IMMP2L: variants seen among roughly 807,000 people sequenced by gnomAD.
IMMP2L encodes inner mitochondrial membrane peptidase subunit 2.
A neutral mutation model predicts 19.3 loss-of-function variants in IMMP2L; 18 were observed. That is an observed-to-expected ratio of 0.93 (90% CI 0.64 to 1.38). The LOEUF is 1.38. Ranked by LOEUF, IMMP2L falls within the 40% of genes most tolerant of loss-of-function variation. The probability of loss-of-function intolerance (pLI) is 0.00; values close to 1 mark genes in which losing one functional copy is unlikely to be tolerated. For synonymous variants in IMMP2L, 76 were observed against 73.0 expected, an observed-to-expected ratio of 1.04 and a Z score of -0.21; for missense variants, 233 against 218.2, an observed-to-expected ratio of 1.07 and a Z score of -0.43.
At chr7:110,916,207 T>C (rs898004861) in intron 4 of IMMP2L, among the ~76,000 whole-genome samples, 3 of 152,156 alleles carry the variant, frequency 2.0e-5, no homozygotes, top group African/African-American at 2.4e-5. Context: ...TGTGATGATA[T>C]TGGTAGTTGA....
intron 3 of IMMP2L, among the ~76,000 whole-genome samples, chr7:111,402,487 G>C (rs567112299): frequency 1.3e-5 from 2 of 152,040 alleles, no homozygotes; most frequent in African/African-American, 4.8e-5. Flanking sequence ...GAGGCAGGCA[G>C]ATCACCTGAA....
At position 111,185,605 on chromosome 7, in the gene IMMP2L, C is replaced by T. The variant is rs574248643; in HGVS notation, c.240-222040G>A. On this transcript the variant is annotated intron_variant, in intron 3 of 5. Coordinates refer to ENST00000405709, the MANE Select transcript of IMMP2L (RefSeq NM_032549.4). ...AAAAATTACTGAAGCTGAAAACTCA[C>T]TTTAACCTACAAGTATTCTTGTAGA... Among the ~76,000 whole-genome samples, 8 of 152,264 alleles carry T rather than the reference C, an allele frequency of 5.3e-5. No homozygotes were observed. The East Asian group carries it at 9.6e-4, about 18-fold the overall frequency.
intron 5 of IMMP2L, among the ~76,000 whole-genome samples, chr7:110,771,973 T>C (rs912787087): frequency 1.3e-5 from 2 of 152,156 alleles, no homozygotes; most frequent in African/African-American, 4.8e-5. Context: ...AGAGAACTCT[T>C]AGTCATGATC....
chr7:111,158,877 A>C (rs547153164), intron 3 of IMMP2L, among the ~76,000 whole-genome samples: 1 of 152,284 alleles, frequency 6.6e-6, no homozygotes, highest in African/African-American at 2.4e-5. Context: ...ACCTTTCTCC[A>C]ATAGATGCTT....
At chr7:111,177,453 T>C (rs548560313) in intron 3 of IMMP2L, among the ~76,000 whole-genome samples, 227 of 152,208 alleles carry the variant, frequency 1.5e-3, no homozygotes, top group African/African-American at 5.1e-3. Flanking sequence ...AGTGTTATGA[T>C]TACAGGCATT....
chr7:111,399,555 A>G (rs1242434392), intron 3 of IMMP2L, among the ~76,000 whole-genome samples: 2 of 151,794 alleles, frequency 1.3e-5, no homozygotes, highest in African/African-American at 2.4e-5. Flanking sequence ...GGGTTTCATC[A>G]TATTGCCCAG....
intron 3 of IMMP2L, among the ~76,000 whole-genome samples, chr7:111,066,154 T>A (rs538535360): frequency 6.6e-6 from 1 of 152,144 alleles, no homozygotes; most frequent in Non-Finnish European, 1.5e-5. Flanking sequence ...AATTTTTGTA[T>A]TTTTTAAAAG....
intron 4 of IMMP2L, among the ~76,000 whole-genome samples, chr7:110,941,299 T>C (rs1447778700): frequency 4.6e-5 from 7 of 152,194 alleles, no homozygotes; most frequent in Non-Finnish European, 1.0e-4. Context: ...TAACTTCTGT[T>C]GCTCAGCATA....
intron 3 of IMMP2L, among the ~76,000 whole-genome samples, chr7:111,393,589 T>G (rs772425189): frequency 6.6e-6 from 1 of 152,100 alleles, no homozygotes; most frequent in East Asian, 1.9e-4. Flanking sequence ...ACATTTTACG[T>G]AGGAGGGAAT....
intron 3 of IMMP2L, among the ~76,000 whole-genome samples, chr7:111,126,620 C>T (rs1019101979): frequency 6.6e-6 from 1 of 151,842 alleles, no homozygotes; most frequent in Non-Finnish European, 1.5e-5. Flanking sequence ...CATTAGTAGT[C>T]ATTTAAAAAT....
At chr7:111,533,187 G>A (rs1053247534) in intron 1 of IMMP2L, among the ~76,000 whole-genome samples, 2 of 152,164 alleles carry the variant, frequency 1.3e-5, no homozygotes, top group African/African-American at 4.8e-5. Flanking sequence ...CCAGACTCAA[G>A]TGTCTGTTGC....
intron 3 of IMMP2L, among the ~76,000 whole-genome samples, chr7:111,000,661 T>C (rs971188343): frequency 2.0e-5 from 3 of 152,064 alleles, no homozygotes; most frequent in Non-Finnish European, 4.4e-5. Context: ...CTGGCCAACA[T>C]GGTGAAAAGT....
At chr7:110,817,260 A>G (rs1343153274) in intron 5 of IMMP2L, among the ~76,000 whole-genome samples, 1 of 152,152 alleles carries the variant, frequency 6.6e-6, no homozygotes, top group Non-Finnish European at 1.5e-5. Context: ...CAACTTCAGC[A>G]AAGTCTCAGG....
At chr7:111,377,792 G>A (rs189339340) in intron 3 of IMMP2L, among the ~76,000 whole-genome samples, 53 of 152,078 alleles carry the variant, frequency 3.5e-4, no homozygotes, top group South Asian at 2.1e-3. Flanking sequence ...TTCACCCGAA[G>A]TAATGCTATG....
At chr7:111,509,586 A>G (rs755200285) in intron 2 of IMMP2L, among the ~76,000 whole-genome samples, 2 of 152,200 alleles carry the variant, frequency 1.3e-5, no homozygotes, top group Non-Finnish European at 2.9e-5. Context: ...ACCAGAACAG[A>G]AAATATCAGA....
intron 3 of IMMP2L, among the ~76,000 whole-genome samples, chr7:111,024,872 T>A (rs963292655): frequency 6.6e-6 from 1 of 152,172 alleles, no homozygotes; most frequent in Non-Finnish European, 1.5e-5. Context: ...TTTTCCTTAA[T>A]CATATCAGAC....
At chr7:110,799,658 TC>T (rs1801110427) in intron 5 of IMMP2L, among the ~76,000 whole-genome samples, 1 of 152,082 alleles carries the variant, frequency 6.6e-6, no homozygotes, top group Admixed American at 6.6e-5. Context: ...GAAGAAAAGA[TC>T]AAAGATGACA....
At chr7:111,129,975 T>C (rs1213856559) in intron 3 of IMMP2L, among the ~76,000 whole-genome samples, 1 of 152,172 alleles carries the variant, frequency 6.6e-6, no homozygotes, top group Non-Finnish European at 1.5e-5. Context: ...ATTTACAATA[T>C]ACACAGAAGG....
At chr7:110,843,142 A>AGT (rs1805275928) in intron 5 of IMMP2L, among the ~76,000 whole-genome samples, 1 of 152,222 alleles carries the variant, frequency 6.6e-6, no homozygotes, top group Non-Finnish European at 1.5e-5. Flanking sequence ...CAAAGAAGAC[A>AGT]GTGAACATGA....
Sources: allele counts gnomAD v4.1 joint callset (sites outside exome capture counted in the v4.1 genomes callset), GRCh38; gene constraint gnomAD v4.1.1; transcripts MANE v1.5; gene names NCBI Gene and HGNC (gene_info 2026-07-23, HGNC 2026-07-21).